Variants in EYS observed in about 807,000 individuals in gnomAD.
EYS encodes the protein EGF-like photoreceptor maintenance factor.
EYS carries 250 observed loss-of-function variants against 282.1 expected under a neutral mutation model. The observed-to-expected ratio is 0.89, with a 90% CI of 0.80 to 0.98. The LOEUF (loss-of-function observed/expected upper bound fraction) is 0.98. Ranked by LOEUF, EYS falls within the 50% of genes least tolerant of loss-of-function variation. The pLI is 0.00. For missense variants in EYS, 4,016 were observed against 3,709.0 expected (o/e 1.08, Z -2.15); for synonymous variants, 1,355 against 1,282.9 (o/e 1.06, Z -1.20).
chr6:64,277,728 G>C (rs983703836), intron 30 of EYS, among the ~76,000 whole-genome samples: 65 of 152,112 alleles, frequency 4.3e-4, no homozygotes, highest in Non-Finnish European at 7.4e-4. Context: ...ACATGCAGAT[G>C]TAAATAACTA....
intron 26 of EYS, among the ~76,000 whole-genome samples, chr6:64,524,061 G>A (rs1028890256): frequency 6.6e-6 from 1 of 151,496 alleles, no homozygotes; most frequent in East Asian, 1.9e-4. Flanking sequence ...AATAAATATG[G>A]AGCTAAAGAT....
At chr6:64,557,901 C>G (rs1412076192) in intron 26 of EYS, among the ~76,000 whole-genome samples, 1 of 151,998 alleles carries the variant, frequency 6.6e-6, no homozygotes, top group Non-Finnish European at 1.5e-5. Context: ...CAGAAACATT[C>G]TGGTTTGCAA....
chr6:64,932,813 T>A (rs1263025960), intron 15 of EYS, among the ~76,000 whole-genome samples: 1 of 151,984 alleles, frequency 6.6e-6, no homozygotes, highest in Admixed American at 6.6e-5. Context: ...TCATTTTAGC[T>A]GACCACTAAG....
At chr6:64,944,793 C>T (rs190136484) in intron 15 of EYS, among the ~76,000 whole-genome samples, 1 of 152,164 alleles carries the variant, frequency 6.6e-6, no homozygotes, top group East Asian at 1.9e-4. Context: ...CAGAGAAAAA[C>T]CGCCCTATGG....
At chr6:63,755,913 C>G (rs1430794925) in intron 41 of EYS, among the ~76,000 whole-genome samples, 1 of 152,118 alleles carries the variant, frequency 6.6e-6, no homozygotes, top group East Asian at 1.9e-4. Flanking sequence ...TGGGAGTTCA[C>G]TCATGATTTG....
intron 33 of EYS, among the ~76,000 whole-genome samples, chr6:64,045,982 A>G (rs1412503224): frequency 7.3e-6 from 1 of 137,222 alleles, no homozygotes; most frequent in African/African-American, 2.5e-5. Flanking sequence ...TATAATACGT[A>G]TGTATTATAT....
intron 12 of EYS, among the ~76,000 whole-genome samples, chr6:65,181,786 T>C (rs1765392501): frequency 1.3e-5 from 2 of 152,024 alleles, no homozygotes; most frequent in South Asian, 4.2e-4. Context: ...CTATTCACAA[T>C]AGCAAAGACT....
chr6:64,494,492 C>A (rs7765443), intron 26 of EYS, among the ~76,000 whole-genome samples: 7,848 of 151,610 alleles, frequency 0.052, 679 homozygotes, highest in African/African-American at 0.18. Flanking sequence ...TGCCATTCTA[C>A]AAGTTCCTAA....
chr6:65,399,841 C>A (rs1766425142), intron 7 of EYS, among the ~76,000 whole-genome samples: 1 of 151,996 alleles, frequency 6.6e-6, no homozygotes, highest in African/African-American at 2.4e-5. Context: ...TCTGGCTCTC[C>A]TTTTAATCCT....
chr6:64,199,457 C>A (rs1259666771), intron 31 of EYS, among the ~76,000 whole-genome samples: 1 of 152,134 alleles, frequency 6.6e-6, no homozygotes. Flanking sequence ...AAATGTAAGA[C>A]CTAAACCATA....
At chr6:64,988,005 C>T (rs1770920062) in intron 14 of EYS, among the ~76,000 whole-genome samples, 1 of 151,394 alleles carries the variant, frequency 6.6e-6, no homozygotes, top group Non-Finnish European at 1.5e-5. Context: ...TTTATATCCA[C>T]ACCAATCCCA....
intron 24 of EYS, among the ~76,000 whole-genome samples, chr6:64,608,382 A>AAT (rs945178394): frequency 6.6e-6 from 1 of 152,108 alleles, no homozygotes; most frequent in African/African-American, 2.4e-5. Flanking sequence ...TCAAATAATA[A>AAT]ATATATAGCC....
intron 12 of EYS, among the ~76,000 whole-genome samples, chr6:65,278,764 T>A (rs1768134919): frequency 6.6e-6 from 1 of 152,148 alleles, no homozygotes; most frequent in Admixed American, 6.5e-5. Flanking sequence ...TGTACAACAG[T>A]TCTGTGAAAT....
chr6:64,317,629 C>T (rs372913667), intron 29 of EYS, among the ~76,000 whole-genome samples: 1 of 152,056 alleles, frequency 6.6e-6, no homozygotes, highest in Non-Finnish European at 1.5e-5. Context: ...GGCAATTCCT[C>T]AAGGATCTAG....
chr6:65,500,126 T>G (rs985121680), intron 2 of EYS, among the ~76,000 whole-genome samples: 1 of 152,022 alleles, frequency 6.6e-6, no homozygotes, highest in Non-Finnish European at 1.5e-5. Context: ...CCAAAACACA[T>G]GTTCTCAGTC....
chr6:65,657,776 A>G (rs1435444964), intron 1 of EYS, among the ~76,000 whole-genome samples: 1 of 151,860 alleles, frequency 6.6e-6, no homozygotes, highest in Non-Finnish European at 1.5e-5. Context: ...AAGAAGTTCT[A>G]CTGTGGGTAA....
rs184836415 is a variant in EYS, at chr6:64,934,061, A to G, written c.2381+11732T>C. On this transcript the variant is annotated intron_variant, in intron 15 of 42. Transcript: ENST00000503581. ...GATGGGTGCAGTAAACCACCATGGC[A>G]TGTGTATGGCACATGTAGACCTATG... Among the ~76,000 whole-genome samples, 6 of 151,996 alleles carry G rather than the reference A, an allele frequency of 3.9e-5. No individual in the cohort carries two copies. The East Asian group carries it at 9.7e-4, about 25-fold the overall frequency.
rs185728839 is a variant in EYS, at chr6:63,755,328, A to C, written c.8071+7133T>G. On this transcript the variant is annotated intron_variant, in intron 41 of 42. Coordinates refer to ENST00000503581, the MANE Select transcript of EYS (RefSeq NM_001142800.2). ...TTGTATAGGTCTAAGAAAGGGATCC[A>C]GTTTCAGCTTTCTACATGTGGCTAG... 7.9e-5 allele frequency among the ~76,000 whole-genome samples: 12 copies of C among 152,312 alleles called. No individual in the cohort carries two copies. In the East Asian group the frequency reaches 2.3e-3, roughly 29 times the overall value.
At chr6:65,649,415 T>C (rs984682109) in intron 1 of EYS, among the ~76,000 whole-genome samples, 1 of 152,216 alleles carries the variant, frequency 6.6e-6, no homozygotes, top group East Asian at 1.9e-4. Context: ...GCATTTGTAA[T>C]AACTGAAACT....
Sources: allele counts gnomAD v4.1 joint callset (sites outside exome capture counted in the v4.1 genomes callset), GRCh38; gene constraint gnomAD v4.1.1; transcripts MANE v1.5; gene names NCBI Gene and HGNC (gene_info 2026-07-23, HGNC 2026-07-21).